The following VIPR2 variants were observed in gnomAD, a reference collection of about 807,000 sequenced individuals.
VIPR2 encodes vasoactive intestinal polypeptide receptor 2.
VIPR2 carries 48 observed loss-of-function variants against 58.0 expected under a neutral mutation model. That is an observed-to-expected ratio of 0.83 (90% CI 0.66 to 1.05). The LOEUF (loss-of-function observed/expected upper bound fraction) is 1.05. VIPR2 is among the 50% of genes least tolerant of loss of function. VIPR2 has a pLI of 0.00. For missense variants in VIPR2, 534 were observed against 558.0 expected (o/e 0.96, Z 0.43); for synonymous variants, 243 against 235.2 (o/e 1.03, Z -0.30).
At chr7:159,048,365 G>A (rs1249804124) in intron 5 of VIPR2, among the ~76,000 whole-genome samples, 5 of 152,112 alleles carry the variant, frequency 3.3e-5, no homozygotes, top group Non-Finnish European at 7.4e-5. Flanking sequence ...AATAGTAAAG[G>A]GAAATGACTC....
chr7:159,064,024 G>A (rs1383403921), intron 4 of VIPR2, among the ~76,000 whole-genome samples: 2 of 151,916 alleles, frequency 1.3e-5, no homozygotes, highest in Admixed American at 6.5e-5. Context: ...GGCCAGAGGC[G>A]TCCCCTGAGA....
At chr7:159,113,970 G>A (rs1796141109) in intron 2 of VIPR2, among the ~76,000 whole-genome samples, 1 of 152,086 alleles carries the variant, frequency 6.6e-6, no homozygotes, top group African/African-American at 2.4e-5. Context: ...GATGACGAGG[G>A]GCCGGAGACT....
At chr7:159,057,945 C>T (rs1476891335) in intron 5 of VIPR2, among the ~76,000 whole-genome samples, 2 of 152,216 alleles carry the variant, frequency 1.3e-5, no homozygotes, top group African/African-American at 4.8e-5. Flanking sequence ...ATGCTAAGCC[C>T]TTCACATCTA....
chr7:159,144,032 GACGCGCACGAAAACC>G (rs1288051951), intron 1 of VIPR2, among the ~76,000 whole-genome samples: 2 of 152,232 alleles, frequency 1.3e-5, no homozygotes, highest in African/African-American at 4.8e-5. Flanking sequence ...CCTCGGCTGC[GACGCGCACGAAAACC>G]GCGCGCACCG....
In VIPR2 at chr7:159,085,901, C is replaced by T. The variant is rs187698622; in HGVS notation, c.357+17856G>A. On this transcript the variant is annotated intron_variant, in intron 4 of 12. Transcript: ENST00000262178. Reference sequence around the variant, plus strand: ...CAGGGGAGTTTCAGGTCAGCGAGGACGACCCGCGCGATGCTGTGATGGCGG... The same window carrying T: ...CAGGGGAGTTTCAGGTCAGCGAGGATGACCCGCGCGATGCTGTGATGGCGG... 1.5e-4 allele frequency among the ~76,000 whole-genome samples: 23 copies of T among 152,204 alleles called. No homozygotes were observed. In the South Asian group the frequency reaches 3.5e-3, roughly 23 times the overall value.
rs1857871207 is a variant in VIPR2, at chr7:159,096,739, G to A, written c.357+7018C>T. 1 of 1,394,604 alleles carries A rather than the reference G, an allele frequency of 7.2e-7. No individual in the cohort carries two copies. The highest frequency in any genetic ancestry group is 9.3e-7 in the Non-Finnish European group (1 of 1,070,620). The allele number at this position is 1,394,604 out of a possible 1,614,324, so 86.4% of individuals were successfully genotyped here. On this transcript the variant is annotated intron_variant, in intron 4 of 12. Coordinates refer to ENST00000262178, the MANE Select transcript of VIPR2 (RefSeq NM_003382.5). This position sits in a 1 kb window ranked among gnomAD's most constrained non-coding sequence, Gnocchi z 5.5. ...TGTCTGGTTGTGCCAGGTGACAGCT[G>A]AATGATTTCTGCCTGTGGCCAGATT...
chr7:159,071,116 T>C (rs1025354258), intron 4 of VIPR2, among the ~76,000 whole-genome samples: 3 of 152,222 alleles, frequency 2.0e-5, no homozygotes, highest in African/African-American at 7.2e-5. Flanking sequence ...TCCAGGGTTT[T>C]TCTGGGTTGC....
chr7:159,063,848 G>T (rs1339493325), intron 4 of VIPR2, among the ~76,000 whole-genome samples: 1 of 112,214 alleles, frequency 8.9e-6, no homozygotes, highest in East Asian at 3.1e-4. Context: ...GGGGTCTGGG[G>T]GGCCTGGTGG....
chr7:159,079,995 AG>A (rs1405235607), intron 4 of VIPR2, among the ~76,000 whole-genome samples: 1 of 152,224 alleles, frequency 6.6e-6, no homozygotes, highest in African/African-American at 2.4e-5. Flanking sequence ...AACCAAAAAA[AG>A]TCCAGGACCA....
intron 6 of VIPR2, among the ~76,000 whole-genome samples, chr7:159,040,843 T>C (rs748306402): frequency 2.6e-5 from 4 of 152,234 alleles, no homozygotes; most frequent in Non-Finnish European, 4.4e-5. Context: ...GCTTGGCTCC[T>C]CTCTGGCCTC....
intron 8 of VIPR2, 146 bp downstream of exon 8, chr7:159,035,806 C>A: frequency 3.5e-6 from 5 of 1,418,724 alleles, no homozygotes; most frequent in Non-Finnish European, 3.7e-6. Context: ...CCCCATGAAT[C>A]GCCCAGATGC....
At chr7:159,053,695 C>T (rs559668983) in intron 5 of VIPR2, among the ~76,000 whole-genome samples, 9 of 152,288 alleles carry the variant, frequency 5.9e-5, no homozygotes, top group South Asian at 2.1e-4. Flanking sequence ...TGTGCCACCA[C>T]GGCCAGCTAA....
chr7:159,133,255 C>A (rs561825620), intron 2 of VIPR2, among the ~76,000 whole-genome samples: 2 of 152,312 alleles, frequency 1.3e-5, no homozygotes, highest in Non-Finnish European at 2.9e-5. Flanking sequence ...GAGAAGGACT[C>A]GTCAACACAC....
At chr7:159,039,302 T>TACACAC (rs3064495) in intron 6 of VIPR2, among the ~76,000 whole-genome samples, 9 of 148,914 alleles carry the variant, frequency 6.0e-5, no homozygotes, top group South Asian at 2.1e-4. Flanking sequence ...CTACTAAAAA[T>TACACAC]ACACACACAC....
At chr7:159,076,446 TAA>T (rs1235198689) in intron 4 of VIPR2, among the ~76,000 whole-genome samples, 1 of 152,164 alleles carries the variant, frequency 6.6e-6, no homozygotes, top group Non-Finnish European at 1.5e-5. Context: ...AAATCTTTAG[TAA>T]AAAAGTCTTT....
Position 159,096,877 on chromosome 7 carries a change from CCT to C in VIPR2, c.357+6878_357+6879del. The C allele has an allele frequency of 6.5e-7, 1 of 1,548,160 alleles. No individual in the cohort carries two copies. The highest frequency in any genetic ancestry group is 8.7e-7 in the Non-Finnish European group (1 of 1,145,720). On this transcript the variant is annotated intron_variant, in intron 4 of 12. Transcript: ENST00000262178. The surrounding 1 kb of genome is among the most constrained non-coding windows in gnomAD (Gnocchi z 5.5). ...GTACTGTGTCCATGGCTGAGACCAC[CCT>C]CTCTGTGGCCGCCTTGCTGTCCCCG...
intron 4 of VIPR2, among the ~76,000 whole-genome samples, chr7:159,060,074 T>TTCACCTCACCTAACCACTAACC: frequency 7.2e-6 from 1 of 138,864 alleles, no homozygotes; most frequent in Non-Finnish European, 1.6e-5. Context: ...GGAACCCATC[T>TTCACCTCACCTAACCACTAACC]TCACCTCACC....
At chr7:159,137,201 G>A (rs544668430) in intron 2 of VIPR2, among the ~76,000 whole-genome samples, 5 of 152,228 alleles carry the variant, frequency 3.3e-5, no homozygotes, top group East Asian at 3.9e-4. Flanking sequence ...CAACAGCTCC[G>A]TTCTTCCCAG....
intron 4 of VIPR2, among the ~76,000 whole-genome samples, chr7:159,063,288 G>C (rs1364435061): frequency 2.0e-5 from 3 of 152,276 alleles, no homozygotes; most frequent in African/African-American, 7.2e-5. Flanking sequence ...GCCCTGCGGG[G>C]AGGCAGCTGA....
Sources: allele counts gnomAD v4.1 joint callset (sites outside exome capture counted in the v4.1 genomes callset), GRCh38; gene constraint gnomAD v4.1.1; non-coding constraint Gnocchi (gnomAD v3.1); transcripts MANE v1.5; gene names NCBI Gene and HGNC (gene_info 2026-07-23, HGNC 2026-07-21).